Variants in LPP observed in about 807,000 individuals in gnomAD.
LPP encodes the protein lipoma-preferred partner.
Under a neutral mutation model 60.4 loss-of-function variants are expected in LPP, and 38 were observed. That is an observed-to-expected ratio of 0.63 (90% CI 0.49 to 0.83). LPP has a LOEUF of 0.83. Ranked by LOEUF, LPP falls within the 40% of genes least tolerant of loss-of-function variation. The pLI is 0.00. For synonymous variants in LPP, 328 were observed against 290.8 expected (o/e 1.13, Z -1.30); for missense variants, 902 against 783.6 (o/e 1.15, Z -1.80).
intron 3 of LPP, among the ~76,000 whole-genome samples, chr3:188,366,660 A>G (rs1771258833): frequency 6.6e-6 from 1 of 152,184 alleles, no homozygotes; most frequent in South Asian, 2.1e-4. Context: ...TTGCCAATGT[A>G]ACCCCACATT....
chr3:188,707,555 G>T (rs570497621), intron 7 of LPP, among the ~76,000 whole-genome samples: 1 of 152,158 alleles, frequency 6.6e-6, no homozygotes, highest in African/African-American at 2.4e-5. Context: ...CTGGCTGTTT[G>T]CAGTGCTGGA....
intron 1 of LPP, among the ~76,000 whole-genome samples, chr3:188,188,352 G>A (rs185196363): frequency 3.3e-5 from 5 of 152,238 alleles, no homozygotes; most frequent in African/African-American, 9.6e-5. Context: ...ATAATGTATT[G>A]GGACTTATTG....
At chr3:188,209,370 G>T (rs1202457455) in intron 1 of LPP, among the ~76,000 whole-genome samples, 1 of 152,172 alleles carries the variant, frequency 6.6e-6, no homozygotes, top group African/African-American at 2.4e-5. Flanking sequence ...TACTACATGG[G>T]CCTTGACGGC....
intron 2 of LPP, among the ~76,000 whole-genome samples, chr3:188,237,750 G>T (rs1722434539): frequency 6.6e-6 from 1 of 151,760 alleles, no homozygotes; most frequent in Admixed American, 6.6e-5. Context: ...TTTCATCCAG[G>T]CTTTGTCATT....
At chr3:188,170,560 CA>C (rs1459007828) in intron 1 of LPP, among the ~76,000 whole-genome samples, 1 of 151,726 alleles carries the variant, frequency 6.6e-6, no homozygotes, top group Non-Finnish European at 1.5e-5. Context: ...CTCAAACTTC[CA>C]ACCTTGTGAT....
At chr3:188,179,390 T>C (rs116036388) in intron 1 of LPP, 1 of 457,998 alleles carries the variant, frequency 2.2e-6, no homozygotes, top group African/African-American at 2.0e-5. Context: ...CCCGCCTTGT[T>C]CCCATTGCCA....
At chr3:188,802,278 A>T (rs112593870) in intron 9 of LPP, among the ~76,000 whole-genome samples, 122 of 152,304 alleles carry the variant, frequency 8.0e-4, no homozygotes, top group African/African-American at 2.8e-3. Context: ...GGAATCAATG[A>T]TAGAAATGCA....
At chr3:188,353,164 C>T (rs1205347588) in intron 3 of LPP, among the ~76,000 whole-genome samples, 4 of 152,136 alleles carry the variant, frequency 2.6e-5, no homozygotes, top group Admixed American at 6.5e-5. Flanking sequence ...GTGGTCTCCG[C>T]CACAAGATTA....
chr3:188,559,968 A>C (rs1432539504), intron 6 of LPP, among the ~76,000 whole-genome samples: 1 of 152,052 alleles, frequency 6.6e-6, no homozygotes, highest in East Asian at 1.9e-4. Context: ...GTGGCTGTCC[A>C]CTTGGCAAAG....
intron 9 of LPP, among the ~76,000 whole-genome samples, chr3:188,829,192 T>C (rs1177185820): frequency 2.6e-5 from 4 of 152,180 alleles, no homozygotes; most frequent in Non-Finnish European, 5.9e-5. Context: ...CATTTTTGTA[T>C]CACATCAGAA....
rs147165996 is a variant in LPP, at chr3:188,826,773, AC to A, written c.1411-39419del. Reference sequence around the variant, plus strand: ...GGCTGAAAGTGACAGTCATCTCTGGACCCCCCCCACTCTCATCTCTGCACCT... The same window carrying A: ...GGCTGAAAGTGACAGTCATCTCTGGACCCCCCCACTCTCATCTCTGCACCT... On this transcript the variant is annotated intron_variant, in intron 9 of 11. Coordinates refer to ENST00000617246, the MANE Select transcript of LPP (RefSeq NM_001375462.1). Among the ~76,000 whole-genome samples, 28 of 149,730 alleles carry A rather than the reference AC, an allele frequency of 1.9e-4. No individual in the cohort carries two copies. In the East Asian group the frequency reaches 3.2e-3, roughly 17 times the overall value.
intron 2 of LPP, among the ~76,000 whole-genome samples, chr3:188,226,938 C>G (rs1246545848): frequency 6.6e-6 from 1 of 152,124 alleles, no homozygotes; most frequent in Non-Finnish European, 1.5e-5. Context: ...ACCTTAGTGT[C>G]TGTTAAAATT....
chr3:188,579,976 G>A (rs577603623), intron 6 of LPP, among the ~76,000 whole-genome samples: 1 of 151,830 alleles, frequency 6.6e-6, no homozygotes, highest in African/African-American at 2.4e-5. Flanking sequence ...ACTCCAGCCT[G>A]AGCGACAGAG....
At chr3:188,602,658 A>G (rs545568421) in intron 6 of LPP, among the ~76,000 whole-genome samples, 2 of 151,442 alleles carry the variant, frequency 1.3e-5, no homozygotes, top group Non-Finnish European at 2.9e-5. Flanking sequence ...CCTCGACCCC[A>G]GTGAAGCTCT....
At chr3:188,834,324 G>GTTTTTTT (rs71867135) in intron 9 of LPP, among the ~76,000 whole-genome samples, 10 of 34,094 alleles carry the variant, frequency 2.9e-4, no homozygotes, top group African/African-American at 6.8e-4. Flanking sequence ...CTTTTTGGGT[G>GTTTTTTT]TTTTTTTTTT....
intron 3 of LPP, among the ~76,000 whole-genome samples, chr3:188,351,793 T>A (rs570013344): frequency 5.3e-5 from 8 of 152,176 alleles, no homozygotes; most frequent in Admixed American, 5.2e-4. Context: ...TTCTAAGGGA[T>A]ATGGATTGTA....
At position 188,782,474 on chromosome 3, in the gene LPP, T is replaced by A. The variant is rs573426161; in HGVS notation, c.1410+22192T>A. On this transcript the variant is annotated intron_variant, in intron 9 of 11. Coordinates refer to ENST00000617246, the MANE Select transcript of LPP (RefSeq NM_001375462.1). The stretch of plus-strand genomic sequence containing the variant: ...GGTTAATAAAAGGGAATACTTATCA[T>A]GTTGAATTAATGGGAATATTAAATG... Among the ~76,000 whole-genome samples, 5 of 152,302 alleles carry A rather than the reference T, an allele frequency of 3.3e-5. No individual in the cohort carries two copies. The South Asian group carries it at 1.0e-3, about 32-fold the overall frequency.
intron 7 of LPP, among the ~76,000 whole-genome samples, chr3:188,651,500 GT>G (rs538999061): frequency 6.6e-6 from 1 of 152,210 alleles, no homozygotes; most frequent in Non-Finnish European, 1.5e-5. Flanking sequence ...GAAATAGTTT[GT>G]TGTGTATATT....
At position 188,878,806 on chromosome 3, in the gene LPP, A is replaced by G. The variant is rs187430606; in HGVS notation, c.*4327A>G. 4.7e-6 allele frequency: 1 copy of G among 210,634 alleles called. No homozygotes were observed. The highest frequency in any genetic ancestry group is 5.9e-5 in the Admixed American group (1 of 17,004). 13.0% of individuals were successfully genotyped at this position (210,634 alleles called of 1,614,324 possible). On this transcript the variant is annotated 3_prime_UTR_variant, in exon 12 of 12. Transcript: ENST00000617246. ...AAAGAAAAGAAAGAGAGAGAAGTCA[A>G]CTTTTCATCTTAATATATTCTAGTA...
Sources: allele counts gnomAD v4.1 joint callset (sites outside exome capture counted in the v4.1 genomes callset), GRCh38; gene constraint gnomAD v4.1.1; transcripts MANE v1.5; gene names NCBI Gene and HGNC (gene_info 2026-07-23, HGNC 2026-07-21).